EPB41: variants seen among roughly 807,000 people sequenced by gnomAD.
The protein encoded by EPB41 is erythrocyte membrane protein band 4.1.
In EPB41, 65 loss-of-function variants were observed where a neutral mutation model predicts 108.0. The ratio of observed to expected loss-of-function variants is 0.60; its 90% CI spans 0.49 to 0.74. EPB41 has a LOEUF of 0.74. Among genes scored for constraint, EPB41 ranks in the 30% least tolerant of loss-of-function variants. The pLI is 0.00. For synonymous variants in EPB41, 336 were observed against 358.9 expected (o/e 0.94, Z 0.72); for missense variants, 875 against 1,037.0 (o/e 0.84, Z 2.15).
intron 16 of EPB41, among the ~76,000 whole-genome samples, chr1:29,076,618 A>C (rs1459068057): frequency 2.0e-5 from 3 of 152,176 alleles, no homozygotes; most frequent in Non-Finnish European, 4.4e-5. Context: ...AAATTATGGA[A>C]ATGTACTTTC....
rs1671554488 is a variant in EPB41 at position 29,119,596 on chromosome 1, C to CA, written c.*2784_*2785insA. ...CCCGTGACCCATCCCCGTCCCCACC[C>CA]CCCCCTCCACCGCTGGGCCCATCAG... is the stretch of plus-strand genomic sequence containing the variant. On this transcript the variant is annotated 3_prime_UTR_variant, in exon 21 of 21. Coordinates refer to ENST00000343067, the MANE Select transcript of EPB41 (RefSeq NM_001376013.1). The CA allele has an allele frequency of 6.6e-6, 1 of 152,192 alleles. No homozygotes were observed. The highest frequency in any genetic ancestry group is 1.5e-5 in the Non-Finnish European group (1 of 68,062). The allele number at this position is 152,192 out of a possible 1,614,324, so 9.4% of individuals were successfully genotyped here.
Position 29,002,435 on chromosome 1 carries a change from G to A in EPB41, c.786+5116G>A, listed in dbSNP as rs139604446. ...CCACTGCACTTGCCTGGGTGACAGG[G>A]ATAAGACCCTACCTCAAAAAAAAAA... On this transcript the variant is annotated intron_variant, in intron 4 of 20. Coordinates refer to ENST00000343067, the MANE Select transcript of EPB41 (RefSeq NM_001376013.1). Among the ~76,000 whole-genome samples the A allele has an allele frequency of 4.3e-3, 644 of 149,788 alleles. 4 individuals carry two copies. The highest frequency in any genetic ancestry group is 0.015 in the African/African-American group (619 of 40,656).
chr1:29,113,823 A>G (rs1233126151), intron 19 of EPB41, among the ~76,000 whole-genome samples: 2 of 152,184 alleles, frequency 1.3e-5, no homozygotes, highest in African/African-American at 2.4e-5. Context: ...CTGAGAGTGC[A>G]TGGAAGGGGT....
At chr1:28,934,667 TGTGTGTG>T (rs772682904) in intron 1 of EPB41, among the ~76,000 whole-genome samples, 83 of 1,252 alleles carry the variant, frequency 0.066, 2 homozygotes, top group African/African-American at 0.1. Flanking sequence ...CTTTTGACAT[TGTGTGTG>T]TGTGTGTGTG....
chr1:28,981,745 G>C (rs1471438905), intron 1 of EPB41, among the ~76,000 whole-genome samples: 2 of 152,016 alleles, frequency 1.3e-5, no homozygotes. Context: ...GACTCCACAA[G>C]GTCCATTTTC....
At chr1:29,037,332 T>C (rs1292947755) in intron 10 of EPB41, among the ~76,000 whole-genome samples, 1 of 152,042 alleles carries the variant, frequency 6.6e-6, no homozygotes, top group African/African-American at 2.4e-5. Context: ...TCTGCTCGCC[T>C]CGGCCTCCCA....
At chr1:29,001,250 A>C (rs917955594) in intron 4 of EPB41, among the ~76,000 whole-genome samples, 6 of 152,194 alleles carry the variant, frequency 3.9e-5, no homozygotes, top group Non-Finnish European at 7.3e-5. Flanking sequence ...GAATCGCTTG[A>C]ACCCAGGAGG....
Position 29,117,716 on chromosome 1 carries a change from T to C in EPB41, c.*904T>C, listed in dbSNP as rs1029782347. ...GGGGAAGGAAAGTTAATGAGGTTTT[T>C]AAAATAAGGTTTTCTAGTTTTGAGA... On this transcript the variant is annotated 3_prime_UTR_variant, in exon 21 of 21. Coordinates refer to ENST00000343067, the MANE Select transcript of EPB41 (RefSeq NM_001376013.1). 14 of 152,632 alleles carry C rather than the reference T, an allele frequency of 9.2e-5. No homozygotes were observed. The highest frequency in any genetic ancestry group is 3.4e-4 in the African/African-American group (14 of 41,452). The allele number at this position is 152,632 out of a possible 1,614,324, so 9.5% of individuals were successfully genotyped here. A position where few individuals can be genotyped will look rare whatever the true frequency, so the allele number is the denominator to read the frequency against.
At chr1:29,070,489 T>A in intron 16 of EPB41, 1 of 1,232,150 alleles carries the variant, frequency 8.1e-7, no homozygotes, top group Non-Finnish European at 1.0e-6. Context: ...TTCCAATCCC[T>A]GAGGATCACA....
intron 11 of EPB41, among the ~76,000 whole-genome samples, chr1:29,047,789 TG>T (rs1219961043): frequency 1.1e-4 from 17 of 150,902 alleles, no homozygotes; most frequent in South Asian, 6.4e-4. Flanking sequence ...TATGTATGTA[TG>T]TATGTATTTA....
chr1:29,081,772 T>C (rs940924353), intron 16 of EPB41, among the ~76,000 whole-genome samples: 22 of 150,568 alleles, frequency 1.5e-4, no homozygotes, highest in Admixed American at 9.3e-4. Context: ...AAGGCGGAGG[T>C]TGCAGTAAGC....
chr1:29,074,797 AC>A (rs1311299538), intron 16 of EPB41, among the ~76,000 whole-genome samples: 1 of 152,242 alleles, frequency 6.6e-6, no homozygotes, highest in Non-Finnish European at 1.5e-5. Flanking sequence ...AAGCCAAATA[AC>A]TTGAATAATA....
intron 1 of EPB41, among the ~76,000 whole-genome samples, chr1:28,903,279 G>C (rs777146278): frequency 6.6e-6 from 1 of 151,388 alleles, no homozygotes; most frequent in East Asian, 1.9e-4. Context: ...GGTGATCTTG[G>C]ACAAGTTTTT....
chr1:28,972,866 A>G (rs923524429), intron 1 of EPB41, among the ~76,000 whole-genome samples: 3 of 152,174 alleles, frequency 2.0e-5, no homozygotes, highest in East Asian at 3.8e-4. Context: ...GGACTCCCAA[A>G]GGGCTGAGAT....
intron 1 of EPB41, among the ~76,000 whole-genome samples, chr1:28,980,897 C>T (rs1345721836): frequency 6.6e-6 from 1 of 151,384 alleles, no homozygotes; most frequent in Non-Finnish European, 1.5e-5. Flanking sequence ...CCTGGCCTCC[C>T]GAGTAGCGGG....
In EPB41 at chr1:29,018,926, G is replaced by A. The variant is rs1458567291; in HGVS notation, c.1124+484G>A. Among the ~76,000 whole-genome samples, 1 of 152,144 alleles carries A rather than the reference G, an allele frequency of 6.6e-6. No individual in the cohort carries two copies. The highest frequency in any genetic ancestry group is 1.5e-5 in the Non-Finnish European group (1 of 68,016). The stretch of plus-strand genomic sequence containing the variant: ...CTATACTGCTTTTATACATGAAAAT[G>A]ATTGGTAATGCTGGGAGTTATCAAG... On this transcript the variant is annotated intron_variant, in intron 7 of 20. Transcript: ENST00000343067. The surrounding 1 kb of genome is among the most constrained non-coding windows in gnomAD (Gnocchi z 4.4).
chr1:28,935,467 A>C (rs1443440672), intron 1 of EPB41, among the ~76,000 whole-genome samples: 75 of 64,188 alleles, frequency 1.2e-3, no homozygotes, highest in East Asian at 1.9e-3. Context: ...ACACACACAC[A>C]CCCCCCCCCC....
chr1:28,890,923 T>G, intron 1 of EPB41: 1 of 985,468 alleles, frequency 1.0e-6, no homozygotes, highest in Non-Finnish European at 1.2e-6. Context: ...GTTTGACCCC[T>G]GCTGGAGCAA....
In EPB41 at chr1:29,067,427, C is replaced by T. The variant is rs9661897; in HGVS notation, c.2184+2269C>T. 5.9e-4 allele frequency among the ~76,000 whole-genome samples: 78 copies of T among 132,894 alleles called. 2 individuals are homozygous for T. In the East Asian group the frequency reaches 0.018, roughly 30 times the overall value. 87.2% of individuals were successfully genotyped at this position (132,894 alleles called of 152,430 possible). On this transcript the variant is annotated intron_variant, in intron 16 of 20. Coordinates refer to ENST00000343067, the MANE Select transcript of EPB41 (RefSeq NM_001376013.1). ...AGGAGAATGGCGTAAACCTGGGAGGCGGAGCTTGCAGTGAGCCGAGATCGC... is the reference window on the plus strand; with the variant it reads ...AGGAGAATGGCGTAAACCTGGGAGGTGGAGCTTGCAGTGAGCCGAGATCGC...
Sources: allele counts gnomAD v4.1 joint callset (sites outside exome capture counted in the v4.1 genomes callset), GRCh38; gene constraint gnomAD v4.1.1; non-coding constraint Gnocchi (gnomAD v3.1); transcripts MANE v1.5; gene names NCBI Gene and HGNC (gene_info 2026-07-23, HGNC 2026-07-21).